Variants in MIR17HG observed in about 807,000 individuals in gnomAD.
MIR17HG encodes the protein MIR17 host gene (non-protein coding).
exon 4 of MIR17HG, chr13:91,354,016 A>G (rs1875452878): frequency 6.5e-6 from 1 of 152,718 alleles, no homozygotes; most frequent in Non-Finnish European, 1.5e-5. Context: ...TGCAGCCTGC[A>G]ACTTCCTGGA....
chr13:91,348,598 G>T (rs1875091306), intron 1 of MIR17HG, among the ~76,000 whole-genome samples: 2 of 151,104 alleles, frequency 1.3e-5, no homozygotes, highest in African/African-American at 4.8e-5. Flanking sequence ...GCTCCGCGTG[G>T]GCTTTGTTAG....
intron 1 of MIR17HG, among the ~76,000 whole-genome samples, chr13:91,348,457 G>C (rs1875082241): frequency 6.6e-6 from 1 of 150,948 alleles, no homozygotes; most frequent in South Asian, 2.1e-4. Flanking sequence ...GCCGGGAGGG[G>C]GCGCGCCCAC....
intron 3 of MIR17HG, chr13:91,352,532 G>C (rs1875370620): frequency 6.6e-6 from 1 of 152,146 alleles, no homozygotes; most frequent in Admixed American, 6.5e-5. Context: ...CTAGAAATCA[G>C]CTTTTAAAAA....
chr13:91,350,237 A>G, intron 3 of MIR17HG: 1 of 203,872 alleles, frequency 4.9e-6, no homozygotes, highest in Non-Finnish European at 1.0e-5. Context: ...GTACACATGG[A>G]CTAAATTGCC....
chr13:91,348,609 C>T (rs977147396), intron 1 of MIR17HG, among the ~76,000 whole-genome samples: 1 of 151,004 alleles, frequency 6.6e-6, no homozygotes, highest in Non-Finnish European at 1.5e-5. Flanking sequence ...GCTTTGTTAG[C>T]CCGCGTGGGC....
At chr13:91,353,675 G>C (rs901089130) in intron 3 of MIR17HG, among the ~76,000 whole-genome samples, 2 of 151,918 alleles carry the variant, frequency 1.3e-5, no homozygotes, top group African/African-American at 4.8e-5. Context: ...TTTGACCCTT[G>C]TTCTTAAAAT....
chr13:91,350,456 TTAAAC>T (rs1875244305), intron 3 of MIR17HG: 1 of 389,398 alleles, frequency 2.6e-6, no homozygotes, highest in South Asian at 1.9e-5. Context: ...TTTGAGATAA[TTAAAC>T]TAATTTTTTC....
At chr13:91,350,872 G>C (rs1875272922) in intron 3 of MIR17HG, 1 of 534,660 alleles carries the variant, frequency 1.9e-6, no homozygotes, top group Admixed American at 1.9e-5. Context: ...GTATATAGGT[G>C]TTTTAATAGT....
chr13:91,350,556 TAGC>T (rs1566344009), intron 3 of MIR17HG: 2 of 532,814 alleles, frequency 3.8e-6, no homozygotes. Context: ...ATTTCAAATT[TAGC>T]AGGAAAAAAG....
At chr13:91,354,513 C>T (rs1022448412) in exon 4 of MIR17HG, 5 of 152,104 alleles carry the variant, frequency 3.3e-5, no homozygotes, top group African/African-American at 1.2e-4. Flanking sequence ...AAATAAAATA[C>T]TGCATTTTAA....
At chr13:91,350,801 C>G (rs1476796118) in intron 3 of MIR17HG, 1 of 534,754 alleles carries the variant, frequency 1.9e-6, no homozygotes, top group Non-Finnish European at 3.8e-6. Context: ...GCATCTACTG[C>G]CCTAAGTGCT....
chr13:91,352,015 A>G (rs1019050597), intron 3 of MIR17HG: 2 of 153,000 alleles, frequency 1.3e-5, no homozygotes, highest in African/African-American at 4.8e-5. Flanking sequence ...ACTTAAAAAA[A>G]TGGGAGTTAG....
At chr13:91,353,481 T>G (rs1875428792) in intron 3 of MIR17HG, among the ~76,000 whole-genome samples, 1 of 152,242 alleles carries the variant, frequency 6.6e-6, no homozygotes, top group Non-Finnish European at 1.5e-5. Context: ...GTTTCTGGCT[T>G]TAGAATGTGA....
intron 3 of MIR17HG, chr13:91,351,791 C>T (rs1198391389): frequency 1.1e-5 from 2 of 184,948 alleles, no homozygotes; most frequent in East Asian, 1.1e-4. Context: ...GAGAATGCCG[C>T]TCTGTTTAAA....
At chr13:91,348,419 C>G (rs530686187) in intron 1 of MIR17HG, among the ~76,000 whole-genome samples, 3 of 150,030 alleles carry the variant, frequency 2.0e-5, no homozygotes, top group Non-Finnish European at 4.5e-5. Flanking sequence ...AAAGCGGCGG[C>G]GGCGGCGGCA....
At chr13:91,348,149 C>T (rs1875057892) in intron 1 of MIR17HG, among the ~76,000 whole-genome samples, 1 of 46,384 alleles carries the variant, frequency 2.2e-5, no homozygotes, top group South Asian at 1.3e-3. Context: ...CCTCGCTCGC[C>T]CGCGGGCCGG....
At chr13:91,350,567 AAG>A (rs1555299114) in intron 3 of MIR17HG, 1 of 533,310 alleles carries the variant, frequency 1.9e-6, no homozygotes, top group Non-Finnish European at 3.8e-6. Flanking sequence ...AGCAGGAAAA[AAG>A]AGAACATCAC....
At chr13:91,353,959 C>T (rs200256950) in exon 4 of MIR17HG, 16 of 152,674 alleles carry the variant, frequency 1.0e-4, no homozygotes. Context: ...ACAAGCCAGA[C>T]TTGGGTTTTC....
At chr13:91,348,689 G>C (rs1211379606) in intron 1 of MIR17HG, among the ~76,000 whole-genome samples, 1 of 150,692 alleles carries the variant, frequency 6.6e-6, no homozygotes, top group South Asian at 2.1e-4. Flanking sequence ...CCTCAGCCGC[G>C]GCGTGGAGCC....
Sources: allele counts gnomAD v4.1 joint callset (sites outside exome capture counted in the v4.1 genomes callset), GRCh38; gene constraint gnomAD v4.1.1; transcripts MANE v1.5; gene names NCBI Gene and HGNC (gene_info 2026-07-23, HGNC 2026-07-21).